CDH13: variants seen among roughly 807,000 people sequenced by gnomAD.
CDH13 encodes the protein cadherin 13.
A neutral mutation model predicts 63.8 loss-of-function variants in CDH13; 24 were observed. The ratio of observed to expected loss-of-function variants is 0.38; its 90% CI spans 0.27 to 0.53. The LOEUF is 0.53. Among genes scored for constraint, CDH13 ranks in the 20% least tolerant of loss-of-function variants. CDH13 has a pLI of 0.85. For missense variants in CDH13, 1,049 were observed against 903.1 expected, an observed-to-expected ratio of 1.16 and a Z score of -2.07; for synonymous variants, 503 against 355.3, an observed-to-expected ratio of 1.42 and a Z score of -4.67.
intron 1 of CDH13, among the ~76,000 whole-genome samples, chr16:82,711,758 C>T (rs372168149): frequency 3.9e-5 from 6 of 152,324 alleles, no homozygotes; most frequent in African/African-American, 1.4e-4. Context: ...AGTTCAGACA[C>T]TCAGGAAATA....
In CDH13 at chr16:83,145,466, G is replaced by A. The variant is rs147613292; in HGVS notation, c.483+19965G>A. On this transcript the variant is annotated intron_variant, in intron 4 of 13. Transcript: ENST00000567109. Reference sequence around the variant, plus strand: ...TTCTTGGCATGTCATGAGGACTGTTGCCGTTATTAGCGATGACAATGCAGT... The same window carrying A: ...TTCTTGGCATGTCATGAGGACTGTTACCGTTATTAGCGATGACAATGCAGT... 4.4e-3 allele frequency among the ~76,000 whole-genome samples: 671 copies of A among 152,308 alleles called. 4 individuals are homozygous for A. Among genetic ancestry groups the A allele is most frequent in the African/African-American group, 0.015 (637 of 41,564 alleles).
At chr16:82,842,992 C>T (rs984022981) in intron 1 of CDH13, among the ~76,000 whole-genome samples, 7 of 152,156 alleles carry the variant, frequency 4.6e-5, no homozygotes, top group South Asian at 2.1e-4. Context: ...TAAATACAGA[C>T]GCAGCTCCAC....
intron 1 of CDH13, among the ~76,000 whole-genome samples, chr16:82,854,400 C>A (rs141563810): frequency 0.019 from 2,164 of 111,750 alleles, no homozygotes; most frequent in Non-Finnish European, 0.021. Flanking sequence ...GGCTCTGTCT[C>A]AAAAAAAAAA....
chr16:82,720,179 T>C (rs1420060350), intron 1 of CDH13, among the ~76,000 whole-genome samples: 6 of 152,148 alleles, frequency 3.9e-5, no homozygotes, highest in Admixed American at 3.9e-4. Context: ...GTGGTCGTAG[T>C]GGTGGTGGGT....
chr16:83,402,157 T>TTAA (rs2091978360), intron 6 of CDH13, among the ~76,000 whole-genome samples: 2 of 152,128 alleles, frequency 1.3e-5, no homozygotes, highest in African/African-American at 4.8e-5. Flanking sequence ...TAGCCTAGTA[T>TTAA]TATTATTATT....
At chr16:82,947,820 A>T (rs1174954035) in intron 2 of CDH13, among the ~76,000 whole-genome samples, 7 of 150,906 alleles carry the variant, frequency 4.6e-5, no homozygotes, top group African/African-American at 1.7e-4. Context: ...TTTTATGATA[A>T]ACTGCTGAAA....
Position 82,736,046 on chromosome 16 carries a change from G to A in CDH13, c.45+108909G>A, listed in dbSNP as rs116776640. 5.7e-3 allele frequency among the ~76,000 whole-genome samples: 869 copies of A among 152,260 alleles called. 5 individuals are homozygous for A. Among genetic ancestry groups the A allele is most frequent in the African/African-American group, 0.02 (837 of 41,566 alleles). Reference sequence around the variant, plus strand: ...GAGTAAAAAGAGAACCAATAAAAGCGATTCATGAAAAACCTGAAGTGCATA... The same window carrying A: ...GAGTAAAAAGAGAACCAATAAAAGCAATTCATGAAAAACCTGAAGTGCATA... On this transcript the variant is annotated intron_variant, in intron 1 of 13. Coordinates refer to ENST00000567109, the MANE Select transcript of CDH13 (RefSeq NM_001257.5).
At chr16:83,644,030 A>G (rs1466577427) in intron 8 of CDH13, among the ~76,000 whole-genome samples, 2 of 152,228 alleles carry the variant, frequency 1.3e-5, no homozygotes, top group Non-Finnish European at 2.9e-5. Context: ...GGGCAGCTAG[A>G]AGCAGAGCCT....
chr16:82,754,207 G>C (rs1340202998), intron 1 of CDH13, among the ~76,000 whole-genome samples: 1 of 152,126 alleles, frequency 6.6e-6, no homozygotes, highest in Non-Finnish European at 1.5e-5. Flanking sequence ...GCACTGACAA[G>C]AACCTTTCAT....
chr16:83,511,723 T>C (rs1011968907), intron 7 of CDH13, among the ~76,000 whole-genome samples: 2 of 152,158 alleles, frequency 1.3e-5, no homozygotes, highest in Non-Finnish European at 2.9e-5. Flanking sequence ...AGAAGTCCTA[T>C]TGAAGAATGA....
intron 5 of CDH13, among the ~76,000 whole-genome samples, chr16:83,333,050 C>T (rs1048271145): frequency 6.6e-6 from 1 of 152,138 alleles, no homozygotes; most frequent in Non-Finnish European, 1.5e-5. Context: ...ACTTTTATCG[C>T]CCCTTTGATC....
chr16:82,927,668 A>G (rs2042346156), intron 2 of CDH13, among the ~76,000 whole-genome samples: 1 of 152,180 alleles, frequency 6.6e-6, no homozygotes. Context: ...ATGTTTCCCC[A>G]TCATATTCCT....
intron 6 of CDH13, among the ~76,000 whole-genome samples, chr16:83,402,875 C>T (rs753433013): frequency 5.3e-5 from 8 of 152,032 alleles, no homozygotes; most frequent in Non-Finnish European, 8.8e-5. Context: ...AGATACGTCC[C>T]CTTCTCCTTG....
At chr16:82,689,503 T>C (rs1915422020) in intron 1 of CDH13, among the ~76,000 whole-genome samples, 1 of 152,204 alleles carries the variant, frequency 6.6e-6, no homozygotes, top group South Asian at 2.1e-4. Context: ...AATCTAGGTT[T>C]ATTTTTGAGG....
chr16:82,984,593 T>G (rs1910700500), intron 2 of CDH13, among the ~76,000 whole-genome samples: 1 of 152,222 alleles, frequency 6.6e-6, no homozygotes, highest in Non-Finnish European at 1.5e-5. Flanking sequence ...AGTCACTATT[T>G]CAACTCATGT....
At chr16:83,627,220 G>A (rs1466193767) in intron 8 of CDH13, among the ~76,000 whole-genome samples, 2 of 152,120 alleles carry the variant, frequency 1.3e-5, no homozygotes, top group East Asian at 1.9e-4. Flanking sequence ...AACCCAGGAG[G>A]CAGAGGTTGC....
chr16:83,300,704 C>T (rs996740917), intron 5 of CDH13, among the ~76,000 whole-genome samples: 1 of 152,162 alleles, frequency 6.6e-6, no homozygotes, highest in African/African-American at 2.4e-5. Context: ...AATAAGACTG[C>T]AAACTTTAAT....
intron 5 of CDH13, among the ~76,000 whole-genome samples, chr16:83,230,441 C>A (rs2039970209): frequency 6.6e-6 from 1 of 152,092 alleles, no homozygotes; most frequent in African/African-American, 2.4e-5. Context: ...CCTGCCTGAC[C>A]ACCCCCGCAA....
intron 1 of CDH13, among the ~76,000 whole-genome samples, chr16:82,818,384 G>T (rs1351260418): frequency 6.6e-6 from 1 of 152,114 alleles, no homozygotes; most frequent in Non-Finnish European, 1.5e-5. Flanking sequence ...AACAGAAAGA[G>T]AGCAAAGCAA....
Sources: gnomAD v4.1 joint callset for allele counts (sites outside exome capture counted in the v4.1 genomes callset) on GRCh38, gnomAD v4.1.1 for gene constraint, MANE v1.5 for transcripts, NCBI Gene and HGNC (gene_info 2026-07-23, HGNC 2026-07-21) for gene names.